ERBB4: variants seen among roughly 807,000 people sequenced by gnomAD.
ERBB4 encodes erb-b2 receptor tyrosine kinase 4.
In ERBB4, 42 loss-of-function variants were observed where a neutral mutation model predicts 158.0. The observed-to-expected ratio is 0.27, with a 90% confidence interval of 0.21 to 0.34. The LOEUF (loss-of-function observed/expected upper bound fraction) is 0.34. ERBB4 is among the 10% of genes least tolerant of loss of function. The probability of loss-of-function intolerance (pLI) is 1.00; values close to 1 mark genes in which losing one functional copy is unlikely to be tolerated. For synonymous variants in ERBB4, 583 were observed against 558.7 expected (o/e 1.04, Z -0.61); for missense variants, 1,333 against 1,624.1 (o/e 0.82, Z 3.08).
At chr2:212,399,323 A>G (rs2091123302) in intron 1 of ERBB4, among the ~76,000 whole-genome samples, 3 of 151,964 alleles carry the variant, frequency 2.0e-5, no homozygotes, top group African/African-American at 4.8e-5. Context: ...GATATGAGGC[A>G]AATATTTTCA....
At chr2:211,431,745 C>T (rs13414946) in intron 20 of ERBB4, among the ~76,000 whole-genome samples, 28,136 of 152,028 alleles carry the variant, frequency 0.19, 6,522 homozygotes, top group African/African-American at 0.55. Context: ...TGAAATTACA[C>T]AGTTTGTAAT....
intron 1 of ERBB4, among the ~76,000 whole-genome samples, chr2:212,511,805 T>A (rs149754819): frequency 6.7e-6 from 1 of 148,820 alleles, no homozygotes; most frequent in Non-Finnish European, 1.5e-5. Context: ...AGAGATTTAA[T>A]GTCTTGCATG....
intron 3 of ERBB4, among the ~76,000 whole-genome samples, chr2:211,857,349 A>C (rs966977461): frequency 1.7e-4 from 26 of 152,214 alleles, no homozygotes; most frequent in Non-Finnish European, 7.3e-5. Flanking sequence ...TGTTGCTATA[A>C]GAAACCCTTT....
chr2:212,066,287 C>G (rs559268530), intron 2 of ERBB4, among the ~76,000 whole-genome samples: 2 of 152,012 alleles, frequency 1.3e-5, no homozygotes, highest in Non-Finnish European at 1.5e-5. Context: ...TCCATAGCCA[C>G]TTAACAAACC....
chr2:212,147,288 A>T (rs2080716033), intron 1 of ERBB4, among the ~76,000 whole-genome samples: 1 of 146,870 alleles, frequency 6.8e-6, no homozygotes, highest in South Asian at 2.2e-4. Flanking sequence ...TACAGGCGTG[A>T]GTCATGGTGC....
At chr2:211,750,020 T>A (rs111410285) in intron 5 of ERBB4, among the ~76,000 whole-genome samples, 10 of 152,076 alleles carry the variant, frequency 6.6e-5, no homozygotes, top group Non-Finnish European at 8.8e-5. Context: ...GAAAAAAAAA[T>A]AGCTATTTGT....
intron 2 of ERBB4, among the ~76,000 whole-genome samples, chr2:212,013,336 T>C (rs956957777): frequency 6.6e-6 from 1 of 152,150 alleles, no homozygotes; most frequent in African/African-American, 2.4e-5. Flanking sequence ...AAGGCAGGGA[T>C]GATTAGTCTA....
intron 1 of ERBB4, among the ~76,000 whole-genome samples, chr2:212,494,899 T>C (rs1690474643): frequency 6.6e-6 from 1 of 152,170 alleles, no homozygotes; most frequent in Non-Finnish European, 1.5e-5. Context: ...TATTGCTTAA[T>C]TAACTTTACA....
intron 1 of ERBB4, among the ~76,000 whole-genome samples, chr2:212,325,243 T>C (rs2087771262): frequency 6.6e-6 from 1 of 150,646 alleles, no homozygotes; most frequent in Admixed American, 6.6e-5. Context: ...GTGAAATTCA[T>C]GAATATAAAG....
chr2:211,950,202 T>C (rs1482555518), intron 2 of ERBB4, among the ~76,000 whole-genome samples: 1 of 152,046 alleles, frequency 6.6e-6, no homozygotes, highest in Non-Finnish European at 1.5e-5. Flanking sequence ...CCCAGTTCCA[T>C]CCCCAGAGAG....
chr2:212,267,743 T>TC (rs1303106743), intron 1 of ERBB4, among the ~76,000 whole-genome samples: 10 of 150,674 alleles, frequency 6.6e-5, no homozygotes, highest in African/African-American at 2.4e-5. Flanking sequence ...ATGCTATCCC[T>TC]CCCCCCTTCC....
rs974771826 is a variant in ERBB4, at chr2:212,312,479, T to C, written c.83-187576A>G. Among the ~76,000 whole-genome samples the C allele has an allele frequency of 2.0e-5, 3 of 151,172 alleles. No homozygotes were observed. The South Asian group carries it at 6.2e-4, about 31-fold the overall frequency. On this transcript the variant is annotated intron_variant, in intron 1 of 27. Coordinates refer to ENST00000342788, the MANE Select transcript of ERBB4 (RefSeq NM_005235.3). The stretch of plus-strand genomic sequence containing the variant: ...TATTTTAGCCTCAAATTCATTAATT[T>C]AGTGCACTAAAATTTTTTTTCTTGC...
chr2:212,003,196 A>G (rs868749117), intron 2 of ERBB4, among the ~76,000 whole-genome samples: 10 of 66,314 alleles, frequency 1.5e-4, no homozygotes, highest in South Asian at 5.5e-4. Context: ...AAAGAAAGAA[A>G]GAAAGAAAGA....
chr2:212,405,922 CTTAAT>C (rs903259551), intron 1 of ERBB4, among the ~76,000 whole-genome samples: 3 of 152,028 alleles, frequency 2.0e-5, no homozygotes, highest in African/African-American at 7.2e-5. Context: ...TGCTCAACAA[CTTAAT>C]TTAATAGGGG....
chr2:212,517,605 C>T (rs1418660535), intron 1 of ERBB4, among the ~76,000 whole-genome samples: 1 of 150,872 alleles, frequency 6.6e-6, no homozygotes, highest in African/African-American at 2.5e-5. Context: ...TCCAAGGTTG[C>T]TCTTTTCTTT....
At chr2:211,658,879 T>C (rs1405086737) in intron 15 of ERBB4, among the ~76,000 whole-genome samples, 1 of 152,158 alleles carries the variant, frequency 6.6e-6, no homozygotes, top group Non-Finnish European at 1.5e-5. Flanking sequence ...TCTTTCATCT[T>C]CCAATATACT....
intron 19 of ERBB4, among the ~76,000 whole-genome samples, chr2:211,596,720 C>T (rs2068642355): frequency 6.6e-6 from 1 of 151,894 alleles, no homozygotes; most frequent in Non-Finnish European, 1.5e-5. Flanking sequence ...TGCCCTTCTC[C>T]TACATGTGTA....
intron 1 of ERBB4, among the ~76,000 whole-genome samples, chr2:212,430,608 T>G (rs2092007432): frequency 6.6e-6 from 1 of 151,904 alleles, no homozygotes; most frequent in Non-Finnish European, 1.5e-5. Context: ...ACCTAGCTAA[T>G]TTTTTGTATT....
intron 16 of ERBB4, among the ~76,000 whole-genome samples, chr2:211,643,254 T>G (rs2070666106): frequency 6.6e-6 from 1 of 152,134 alleles, no homozygotes; most frequent in South Asian, 2.1e-4. Context: ...AAAGAACAGG[T>G]AGAGCTGATG....
Sources: gnomAD v4.1 joint callset for allele counts (sites outside exome capture counted in the v4.1 genomes callset) on GRCh38, gnomAD v4.1.1 for gene constraint, MANE v1.5 for transcripts, NCBI Gene and HGNC (gene_info 2026-07-23, HGNC 2026-07-21) for gene names.